THRB: variants seen among roughly 807,000 people sequenced by gnomAD.
The protein encoded by THRB is thyroid hormone receptor beta.
A neutral mutation model predicts 47.8 loss-of-function variants in THRB; 12 were observed. The ratio of observed to expected loss-of-function variants is 0.25; its 90% CI spans 0.16 to 0.41. The LOEUF (loss-of-function observed/expected upper bound fraction) is 0.41. Ranked by LOEUF, THRB falls within the 10% of genes least tolerant of loss-of-function variation. The probability of loss-of-function intolerance (pLI) is 1.00; values close to 1 mark genes in which losing one functional copy is unlikely to be tolerated. For missense variants in THRB, 348 were observed against 589.2 expected (o/e 0.59, Z 4.24); for synonymous variants, 218 against 212.2 (o/e 1.03, Z -0.24).
At chr3:24,258,467 T>C (rs962431158) in intron 3 of THRB, among the ~76,000 whole-genome samples, 8 of 152,196 alleles carry the variant, frequency 5.3e-5, no homozygotes, top group Non-Finnish European at 1.2e-4. Flanking sequence ...ACTCCAGTTC[T>C]CATGTGGCAT....
At chr3:24,277,138 G>C (rs534697922) in intron 3 of THRB, among the ~76,000 whole-genome samples, 7 of 152,230 alleles carry the variant, frequency 4.6e-5, no homozygotes, top group Non-Finnish European at 8.8e-5. Flanking sequence ...AGTTGGTCTG[G>C]AACAGTGGTT....
intron 1 of THRB, among the ~76,000 whole-genome samples, chr3:24,358,969 C>T (rs2063882280): frequency 6.6e-6 from 1 of 152,146 alleles, no homozygotes; most frequent in African/African-American, 2.4e-5. Flanking sequence ...TAATTTTCCT[C>T]AATGGGAAGA....
chr3:24,271,538 A>G (rs989741727), intron 3 of THRB, among the ~76,000 whole-genome samples: 1 of 152,168 alleles, frequency 6.6e-6, no homozygotes, highest in Non-Finnish European at 1.5e-5. Context: ...AGGGATGAAC[A>G]GAGTATTTCT....
At chr3:24,128,404 A>G (rs1204561474) in intron 9 of THRB, among the ~76,000 whole-genome samples, 1 of 152,218 alleles carries the variant, frequency 6.6e-6, no homozygotes, top group Non-Finnish European at 1.5e-5. Flanking sequence ...CCTTAGACAC[A>G]GGATTACTCA....
chr3:24,405,497 T>C (rs539550553), intron 1 of THRB, among the ~76,000 whole-genome samples: 1 of 151,916 alleles, frequency 6.6e-6, no homozygotes, highest in Non-Finnish European at 1.5e-5. Context: ...AGGAATCCAG[T>C]GTCTTTACTA....
At chr3:24,225,597 T>G (rs2047579049) in intron 4 of THRB, among the ~76,000 whole-genome samples, 1 of 152,194 alleles carries the variant, frequency 6.6e-6, no homozygotes, top group Non-Finnish European at 1.5e-5. Context: ...CAGTTTGAAT[T>G]CTTGGTTTCC....
At chr3:24,239,414 G>C (rs2049246427) in intron 3 of THRB, among the ~76,000 whole-genome samples, 1 of 152,174 alleles carries the variant, frequency 6.6e-6, no homozygotes, top group East Asian at 1.9e-4. Flanking sequence ...AGAGCAATTA[G>C]AGCAATCATT....
chr3:24,452,068 T>C (rs1018999900), intron 1 of THRB, among the ~76,000 whole-genome samples: 1 of 152,060 alleles, frequency 6.6e-6, no homozygotes, highest in Non-Finnish European at 1.5e-5. Context: ...AGCCCTTAGC[T>C]AACAACTATG....
At chr3:24,202,935 G>C (rs1033428982) in intron 4 of THRB, among the ~76,000 whole-genome samples, 11 of 152,206 alleles carry the variant, frequency 7.2e-5, no homozygotes, top group African/African-American at 2.7e-4. Context: ...AAGGGGAAGT[G>C]CTGCACTTGG....
chr3:24,455,640 T>C (rs2073100356), intron 1 of THRB, among the ~76,000 whole-genome samples: 1 of 152,230 alleles, frequency 6.6e-6, no homozygotes, highest in Admixed American at 6.5e-5. Context: ...TTTACTTCTA[T>C]ATTCCTTGAC....
chr3:24,365,250 C>A (rs542326342), intron 1 of THRB, among the ~76,000 whole-genome samples: 1 of 152,228 alleles, frequency 6.6e-6, no homozygotes, highest in African/African-American at 2.4e-5. Flanking sequence ...TACCCCCCTA[C>A]CAACTTGCAA....
intron 1 of THRB, among the ~76,000 whole-genome samples, chr3:24,474,523 A>T (rs1424318153): frequency 6.6e-6 from 1 of 152,208 alleles, no homozygotes; most frequent in Non-Finnish European, 1.5e-5. Context: ...GTTGGCATAA[A>T]ACTATTTGCC....
intron 1 of THRB, among the ~76,000 whole-genome samples, chr3:24,453,617 C>G (rs535708893): frequency 4.1e-4 from 63 of 152,316 alleles, no homozygotes; most frequent in African/African-American, 1.3e-3. Flanking sequence ...CTAGCAGGAT[C>G]ATCTTAAAGT....
intron 1 of THRB, among the ~76,000 whole-genome samples, chr3:24,396,421 T>C (rs1393030201): frequency 6.6e-6 from 1 of 152,130 alleles, no homozygotes; most frequent in African/African-American, 2.4e-5. Flanking sequence ...GCCACAGTAT[T>C]CACTTCACTC....
intron 1 of THRB, among the ~76,000 whole-genome samples, chr3:24,479,760 C>T (rs1317558099): frequency 6.6e-6 from 1 of 152,192 alleles, no homozygotes; most frequent in African/African-American, 2.4e-5. Context: ...ACAGGCTGCC[C>T]TGCTGGTAGA....
At chr3:24,461,876 C>T (rs986899776) in intron 1 of THRB, among the ~76,000 whole-genome samples, 19 of 152,124 alleles carry the variant, frequency 1.2e-4, no homozygotes, top group Admixed American at 3.3e-4. Flanking sequence ...TTAGGTATTA[C>T]GGCACATCTT....
chr3:24,180,988 G>T (rs1461031236), intron 5 of THRB, among the ~76,000 whole-genome samples: 1 of 152,178 alleles, frequency 6.6e-6, no homozygotes, highest in East Asian at 1.9e-4. Flanking sequence ...TGGAAAATGA[G>T]AATGTTTTCA....
At chr3:24,302,318 T>G (rs1336611508) in intron 2 of THRB, among the ~76,000 whole-genome samples, 1 of 152,204 alleles carries the variant, frequency 6.6e-6, no homozygotes, top group Non-Finnish European at 1.5e-5. Flanking sequence ...CAAGTTAGCC[T>G]CTGTTCTTGT....
intron 3 of THRB, among the ~76,000 whole-genome samples, chr3:24,250,079 T>C (rs577708220): frequency 6.6e-6 from 1 of 152,282 alleles, no homozygotes; most frequent in African/African-American, 2.4e-5. Flanking sequence ...ACTGTTGGTC[T>C]TTTTACACAA....
Sources: gnomAD v4.1 joint callset for allele counts (sites outside exome capture counted in the v4.1 genomes callset) on GRCh38, gnomAD v4.1.1 for gene constraint, MANE v1.5 for transcripts, NCBI Gene and HGNC (gene_info 2026-07-23, HGNC 2026-07-21) for gene names.